ABLIM3: variants seen among roughly 807,000 people sequenced by gnomAD.
The protein encoded by ABLIM3 is actin binding LIM protein family member 3.
In ABLIM3, 61 loss-of-function variants were observed where a neutral mutation model predicts 109.5. The observed-to-expected ratio is 0.56, with a 90% CI of 0.45 to 0.69. The LOEUF (loss-of-function observed/expected upper bound fraction) is 0.69. Among genes scored for constraint, ABLIM3 ranks in the 30% least tolerant of loss-of-function variants. The pLI is 0.00. For synonymous variants in ABLIM3, 300 were observed against 324.8 expected, an observed-to-expected ratio of 0.92 and a Z score of 0.82; for missense variants, 796 against 889.5, an observed-to-expected ratio of 0.89 and a Z score of 1.34.
chr5:149,186,426 AT>A (rs1346318741), intron 3 of ABLIM3, among the ~76,000 whole-genome samples: 2 of 152,114 alleles, frequency 1.3e-5, no homozygotes, highest in Non-Finnish European at 2.9e-5. Context: ...GAAAAAAAAA[AT>A]TATGAAAAAT....
At chr5:149,147,890 CTG>C (rs1753075530) in intron 2 of ABLIM3, among the ~76,000 whole-genome samples, 2 of 152,116 alleles carry the variant, frequency 1.3e-5, no homozygotes, top group Non-Finnish European at 2.9e-5. Flanking sequence ...GGTACCTTGG[CTG>C]TGGGCACAGC....
chr5:149,258,695 C>G lies in ABLIM3; in HGVS notation c.*291C>G, dbSNP rs1754666560. On this transcript the variant is annotated 3_prime_UTR_variant, in exon 24 of 24. Coordinates refer to ENST00000309868, the MANE Select transcript of ABLIM3 (RefSeq NM_014945.5). The stretch of plus-strand genomic sequence containing the variant: ...AACTTGAGTGCCCCAAGGTCCAACT[C>G]TCTTTCCTAAAGAAGGTGCCTGAAG... The G allele has an allele frequency of 9.5e-7, 1 of 1,055,972 alleles. No individual in the cohort carries two copies. Among genetic ancestry groups the G allele is most frequent in the Non-Finnish European group, 1.1e-6 (1 of 876,672 alleles). 65.4% of individuals were successfully genotyped at this position (1,055,972 alleles called of 1,614,324 possible).
At chr5:149,196,527 T>A (rs982417029) in intron 3 of ABLIM3, among the ~76,000 whole-genome samples, 1 of 152,226 alleles carries the variant, frequency 6.6e-6, no homozygotes, top group Non-Finnish European at 1.5e-5. Context: ...TGAGTTGGAT[T>A]GTTTCATGGT....
At chr5:149,247,684 G>T (rs773490380) in intron 17 of ABLIM3, 98 bp from the exon 18 acceptor site, 14 of 1,485,154 alleles carry the variant, frequency 9.4e-6, no homozygotes, top group Non-Finnish European at 1.2e-5. Flanking sequence ...AGAGCAGGCT[G>T]CTATGGAGGA....
intron 10 of ABLIM3, among the ~76,000 whole-genome samples, chr5:149,237,119 C>A (rs994841620): frequency 3.3e-5 from 5 of 152,160 alleles, no homozygotes; most frequent in Admixed American, 6.5e-5. Context: ...ACTGTATAAC[C>A]TTTTGAGCCT....
intron 3 of ABLIM3, among the ~76,000 whole-genome samples, chr5:149,193,511 T>C (rs756439900): frequency 6.6e-6 from 1 of 152,204 alleles, no homozygotes; most frequent in Middle Eastern, 3.4e-3. Context: ...GATAGAAAGA[T>C]AGAAATATCA....
At chr5:149,174,272 TAAAA>T (rs879724906) in intron 2 of ABLIM3, among the ~76,000 whole-genome samples, 1 of 142,454 alleles carries the variant, frequency 7.0e-6, no homozygotes, top group Non-Finnish European at 1.5e-5. Context: ...TTCATAGCTT[TAAAA>T]AAAAAAAAAA....
intron 7 of ABLIM3, chr5:149,216,583 C>A (rs762501320): frequency 5.3e-6 from 1 of 189,202 alleles, no homozygotes; most frequent in Non-Finnish European, 1.1e-5. Context: ...CACTTAAAAT[C>A]ATTTCATGTA....
chr5:149,227,724 T>C (rs887611676), intron 8 of ABLIM3, among the ~76,000 whole-genome samples: 3 of 152,162 alleles, frequency 2.0e-5, no homozygotes, highest in Non-Finnish European at 4.4e-5. Flanking sequence ...ATATAGTGAA[T>C]ATGTTTGTAG....
intron 2 of ABLIM3, among the ~76,000 whole-genome samples, chr5:149,143,401 A>G (rs1187111582): frequency 1.3e-5 from 2 of 151,700 alleles, no homozygotes; most frequent in African/African-American, 4.8e-5. Context: ...AAGCCTTCTA[A>G]TCTAAGAATC....
chr5:149,225,429 G>A (rs1380938581), intron 8 of ABLIM3, among the ~76,000 whole-genome samples: 1 of 152,086 alleles, frequency 6.6e-6, no homozygotes, highest in Non-Finnish European at 1.5e-5. Context: ...TTTGTGACTG[G>A]CTTCTCACCC....
intron 15 of ABLIM3, 200 bp from the exon 16 acceptor site, chr5:149,244,681 C>T: frequency 1.6e-6 from 1 of 629,700 alleles, no homozygotes; most frequent in Non-Finnish European, 2.8e-6. Flanking sequence ...TCTGGTGCTC[C>T]AATTACTAAA....
chr5:149,176,679 A>G (rs1406663109), intron 2 of ABLIM3, among the ~76,000 whole-genome samples: 2 of 152,170 alleles, frequency 1.3e-5, no homozygotes, highest in Non-Finnish European at 2.9e-5. Flanking sequence ...ACTGCCTGAC[A>G]TAGAGGACCC....
chr5:149,152,683 G>A (rs533859529), intron 2 of ABLIM3, among the ~76,000 whole-genome samples: 1 of 152,304 alleles, frequency 6.6e-6, no homozygotes, highest in South Asian at 2.1e-4. Flanking sequence ...CGTCTGAGGA[G>A]GCTGAACTGT....
At chr5:149,225,324 C>T (rs2127537548) in intron 8 of ABLIM3, among the ~76,000 whole-genome samples, 1 of 152,248 alleles carries the variant, frequency 6.6e-6, no homozygotes, top group East Asian at 1.9e-4. Flanking sequence ...TTCCTCTGTC[C>T]CCGAACCCCT....
At chr5:149,183,658 CA>C (rs1756677231) in intron 3 of ABLIM3, 69 bp downstream of exon 3, 1 of 1,415,808 alleles carries the variant, frequency 7.1e-7, no homozygotes, top group Non-Finnish European at 9.3e-7. Flanking sequence ...GGTCATGCCT[CA>C]GGGGCAGAAA....
At chr5:149,190,618 T>G (rs34207725) in intron 3 of ABLIM3, among the ~76,000 whole-genome samples, 49,036 of 151,972 alleles carry the variant, frequency 0.32, 8,118 homozygotes, top group East Asian at 0.52. Context: ...AGGCGGAGGT[T>G]GCAGTGAGTT....
chr5:149,201,063 A>G (rs1758439232), intron 5 of ABLIM3, among the ~76,000 whole-genome samples: 1 of 152,170 alleles, frequency 6.6e-6, no homozygotes, highest in Non-Finnish European at 1.5e-5. Flanking sequence ...TCATGCCATG[A>G]TGAATGTTAT....
chr5:149,200,009 T>G (rs548476080), intron 4 of ABLIM3, among the ~76,000 whole-genome samples: 1 of 152,180 alleles, frequency 6.6e-6, no homozygotes, highest in Non-Finnish European at 1.5e-5. Context: ...AAAAAGTCCT[T>G]CCAGAAGAGA....
Sources: gnomAD v4.1 joint callset for allele counts (sites outside exome capture counted in the v4.1 genomes callset) on GRCh38, gnomAD v4.1.1 for gene constraint, MANE v1.5 for transcripts, NCBI Gene and HGNC (gene_info 2026-07-23, HGNC 2026-07-21) for gene names.